The following SNX30 variants were observed in gnomAD, a reference collection of about 807,000 sequenced individuals.
SNX30 encodes sorting nexin-30.
SNX30 carries 24 observed loss-of-function variants against 46.4 expected under a neutral mutation model. The ratio of observed to expected loss-of-function variants is 0.52; its 90% CI spans 0.37 to 0.73. The LOEUF is 0.73. Among genes scored for constraint, SNX30 ranks in the 30% least tolerant of loss-of-function variants. The pLI is 0.00. For synonymous variants in SNX30, 189 were observed against 211.5 expected, an observed-to-expected ratio of 0.89 and a Z score of 0.92; for missense variants, 533 against 555.7, an observed-to-expected ratio of 0.96 and a Z score of 0.41.
chr9:112,786,012 A>G (rs1839917804), intron 1 of SNX30, among the ~76,000 whole-genome samples: 1 of 152,116 alleles, frequency 6.6e-6, no homozygotes, highest in Non-Finnish European at 1.5e-5. Context: ...AGAAATCCTT[A>G]CAGCTTATTG....
At chr9:112,808,632 A>G (rs1271693736) in intron 2 of SNX30, among the ~76,000 whole-genome samples, 2 of 152,238 alleles carry the variant, frequency 1.3e-5, no homozygotes, top group Non-Finnish European at 2.9e-5. Context: ...AAGAAAGTTC[A>G]AGTAAGCTAA....
At chr9:112,795,613 G>C (rs907693505) in intron 1 of SNX30, among the ~76,000 whole-genome samples, 3 of 152,054 alleles carry the variant, frequency 2.0e-5, no homozygotes, top group Admixed American at 1.3e-4. Flanking sequence ...ACTTCATACT[G>C]TCTGGCCAAG....
chr9:112,857,906 A>AT (rs1402903736), intron 7 of SNX30, among the ~76,000 whole-genome samples: 1 of 152,130 alleles, frequency 6.6e-6, no homozygotes, highest in Non-Finnish European at 1.5e-5. Flanking sequence ...TGTTGAGTGA[A>AT]TTTAAGTTAC....
chr9:112,769,492 T>G (rs1273038623), intron 1 of SNX30, among the ~76,000 whole-genome samples: 1 of 152,162 alleles, frequency 6.6e-6, no homozygotes, highest in Non-Finnish European at 1.5e-5. Flanking sequence ...AACTAAGGCA[T>G]CTCTGTAGCT....
chr9:112,849,739 G>A (rs986868200), intron 6 of SNX30, among the ~76,000 whole-genome samples: 5 of 152,182 alleles, frequency 3.3e-5, no homozygotes, highest in Non-Finnish European at 5.9e-5. Flanking sequence ...TTTAGCACAG[G>A]CAGGGATATG....
At chr9:112,830,222 G>T (rs1014278833) in intron 3 of SNX30, among the ~76,000 whole-genome samples, 1 of 152,060 alleles carries the variant, frequency 6.6e-6, no homozygotes, top group African/African-American at 2.4e-5. Flanking sequence ...CAAAAAATTG[G>T]CCTATAAAAG....
At chr9:112,828,958 G>C (rs1840618376) in intron 3 of SNX30, among the ~76,000 whole-genome samples, 1 of 152,074 alleles carries the variant, frequency 6.6e-6, no homozygotes, top group South Asian at 2.1e-4. Context: ...TCTACTGTCT[G>C]TCTCTGTGGG....
chr9:112,879,539 G>A, downstream of SNX30: 2 of 513,788 alleles, frequency 3.9e-6, no homozygotes, highest in Non-Finnish European at 7.1e-6. Flanking sequence ...CTGCCTAATG[G>A]GGGTGTCTTA....
At chr9:112,848,773 G>A (rs1385083881) in intron 6 of SNX30, among the ~76,000 whole-genome samples, 1 of 152,222 alleles carries the variant, frequency 6.6e-6, no homozygotes, top group Non-Finnish European at 1.5e-5. Flanking sequence ...CAACTGGAGA[G>A]AGGGATATGG....
chr9:112,778,901 G>C (rs933604609), intron 1 of SNX30, among the ~76,000 whole-genome samples: 3 of 151,644 alleles, frequency 2.0e-5, no homozygotes, highest in Non-Finnish European at 4.4e-5. Flanking sequence ...TGGGGGGGGG[G>C]GATTTGCACA....
chr9:112,762,724 C>T (rs990072202), intron 1 of SNX30, among the ~76,000 whole-genome samples: 4 of 152,166 alleles, frequency 2.6e-5, no homozygotes, highest in South Asian at 2.1e-4. Context: ...GCCCATAGTT[C>T]GCTTGAGAGC....
rs943805288 is a variant in SNX30, at chr9:112,801,127, T to C, written c.157-3649T>C. ...TTTGAAGGGTTTTTTGTGTCTCTAT[T>C]TCCTTCAGTTCTGCTCTGATTTTAG... is the stretch of plus-strand genomic sequence containing the variant. On this transcript the variant is annotated intron_variant, in intron 1 of 8. Coordinates refer to ENST00000374232, the MANE Select transcript of SNX30 (RefSeq NM_001012994.2). 2.4e-4 allele frequency among the ~76,000 whole-genome samples: 2 copies of C among 8,412 alleles called. 1 individual carries two copies. Among genetic ancestry groups the C allele is most frequent in the Non-Finnish European group, 5.3e-4 (2 of 3,780 alleles). 5.5% of individuals were successfully genotyped at this position (8,412 alleles called of 152,430 possible). A position where few individuals can be genotyped will look rare whatever the true frequency, so the allele number is the denominator to read the frequency against.
At chr9:112,761,606 A>G (rs1369397883) in intron 1 of SNX30, among the ~76,000 whole-genome samples, 1 of 152,156 alleles carries the variant, frequency 6.6e-6, no homozygotes, top group Non-Finnish European at 1.5e-5. Context: ...AAATATAAAG[A>G]TGACAGATTT....
intron 6 of SNX30, among the ~76,000 whole-genome samples, chr9:112,849,512 A>G (rs893040287): frequency 2.0e-5 from 3 of 152,246 alleles, no homozygotes; most frequent in Non-Finnish European, 4.4e-5. Flanking sequence ...TTCCTACTCA[A>G]AGATGAATGA....
chr9:112,780,070 A>G (rs1839821994), intron 1 of SNX30, among the ~76,000 whole-genome samples: 1 of 152,224 alleles, frequency 6.6e-6, no homozygotes, highest in African/African-American at 2.4e-5. Context: ...TGTGGGGACC[A>G]ACGTGCTGCT....
At chr9:112,764,643 G>A (rs1299393810) in intron 1 of SNX30, among the ~76,000 whole-genome samples, 1 of 152,160 alleles carries the variant, frequency 6.6e-6, no homozygotes, top group East Asian at 1.9e-4. Flanking sequence ...GGTGGGTGGA[G>A]CCTGGCGGCA....
intron 3 of SNX30, among the ~76,000 whole-genome samples, chr9:112,829,350 A>C (rs1840627038): frequency 6.6e-6 from 1 of 151,996 alleles, no homozygotes; most frequent in East Asian, 1.9e-4. Context: ...ACTCACTGCA[A>C]CCTCCCCATC....
At chr9:112,813,615 A>T (rs937391126) in intron 2 of SNX30, among the ~76,000 whole-genome samples, 2 of 152,020 alleles carry the variant, frequency 1.3e-5, no homozygotes, top group African/African-American at 4.8e-5. Flanking sequence ...CTGAGACTAC[A>T]GGTATGCACC....
chr9:112,757,928 C>T (rs1001171199), intron 1 of SNX30, among the ~76,000 whole-genome samples: 5 of 152,198 alleles, frequency 3.3e-5, no homozygotes, highest in Admixed American at 6.5e-5. Flanking sequence ...GTTTCAGCCA[C>T]AGCTGGGGCT....
Sources: gnomAD v4.1 joint callset for allele counts (sites outside exome capture counted in the v4.1 genomes callset) on GRCh38, gnomAD v4.1.1 for gene constraint, MANE v1.5 for transcripts, NCBI Gene and HGNC (gene_info 2026-07-23, HGNC 2026-07-21) for gene names.